Variants in PEAK1 observed in about 807,000 individuals in gnomAD.
PEAK1 encodes pseudopodium enriched atypical kinase 1.
PEAK1 carries 54 observed loss-of-function variants against 124.7 expected under a neutral mutation model. The ratio of observed to expected loss-of-function variants is 0.43; its 90% CI spans 0.35 to 0.54. The LOEUF (loss-of-function observed/expected upper bound fraction) is 0.54, where lower values mean the gene tolerates loss of function less well. PEAK1 is among the 20% of genes least tolerant of loss of function. PEAK1 has a pLI of 0.01. For missense variants in PEAK1, 2,046 were observed against 2,134.5 expected (o/e 0.96, Z 0.82); for synonymous variants, 719 against 760.0 (o/e 0.95, Z 0.89).
At chr15:77,256,644 A>G (rs1354640597) in intron 5 of PEAK1, among the ~76,000 whole-genome samples, 2 of 152,054 alleles carry the variant, frequency 1.3e-5, no homozygotes, top group Non-Finnish European at 2.9e-5. Flanking sequence ...GATGAAATTC[A>G]AATGTCATGG....
intron 5 of PEAK1, among the ~76,000 whole-genome samples, chr15:77,280,793 G>C (rs1319836937): frequency 6.6e-6 from 1 of 152,046 alleles, no homozygotes; most frequent in African/African-American, 2.4e-5. Context: ...TAGTAGCTTT[G>C]TTTAGATGAT....
At chr15:77,329,702 A>G (rs1035196103) in intron 2 of PEAK1, among the ~76,000 whole-genome samples, 2 of 152,196 alleles carry the variant, frequency 1.3e-5, no homozygotes, top group African/African-American at 2.4e-5. Flanking sequence ...GTTGAACTAT[A>G]TTGCACAGTT....
chr15:77,178,881 C>G lies in PEAK1; in HGVS notation c.3046G>C (p.Glu1016Gln). 1 of 1,614,176 alleles carries G rather than the reference C, an allele frequency of 6.2e-7. No individual in the cohort carries two copies. Among genetic ancestry groups the G allele is most frequent in the Non-Finnish European group, 8.5e-7 (1 of 1,180,030 alleles). Residue 1016 changes from glutamate (E) to glutamine (Q), a missense_variant, in exon 7 of 10, where the codon GAG becomes CAG. Transcript: ENST00000682557. Reference protein sequence around the residue: ...KARTDQAAVMEKGRAENALLQ... With the variant: ...KARTDQAAVMQKGRAENALLQ... Reference sequence around the variant, plus strand: ...AATGCATTCTCTGCTCTACCCTTCTCCATGACTGCTGCCTGGTCTGTCCTA... The same window carrying G: ...AATGCATTCTCTGCTCTACCCTTCTGCATGACTGCTGCCTGGTCTGTCCTA...
intron 5 of PEAK1, among the ~76,000 whole-genome samples, chr15:77,267,395 G>A (rs1428340024): frequency 6.6e-6 from 1 of 152,030 alleles, no homozygotes; most frequent in African/African-American, 2.4e-5. Context: ...CCTATCTGAA[G>A]GCCAATCAAC....
intron 6 of PEAK1, among the ~76,000 whole-genome samples, chr15:77,193,883 T>C (rs1344324705): frequency 6.6e-6 from 1 of 152,212 alleles, no homozygotes; most frequent in East Asian, 1.9e-4. Context: ...CCATCTCTTC[T>C]GTGATCTTGT....
At chr15:77,121,939 C>A (rs1433894528) in intron 9 of PEAK1, among the ~76,000 whole-genome samples, 3 of 152,164 alleles carry the variant, frequency 2.0e-5, no homozygotes, top group Non-Finnish European at 4.4e-5. Context: ...TGGGAGTGAG[C>A]ATAGAATGAA....
At chr15:77,213,091 G>A (rs1190813628) in intron 6 of PEAK1, among the ~76,000 whole-genome samples, 1 of 152,146 alleles carries the variant, frequency 6.6e-6, no homozygotes. Flanking sequence ...CAGTATGTTT[G>A]CAGTCAGAAA....
chr15:77,378,874 C>G (rs7176302), intron 1 of PEAK1, among the ~76,000 whole-genome samples: 99,661 of 151,988 alleles, frequency 0.66, 33,654 homozygotes, highest in Non-Finnish European at 0.75. Context: ...GAAGTAATCA[C>G]CATGTCTTTA....
chr15:77,337,223 CAAG>C, intron 2 of PEAK1: 1 of 982,158 alleles, frequency 1.0e-6, no homozygotes, highest in Non-Finnish European at 1.2e-6. Context: ...TCAGCCAAGA[CAAG>C]ATAATACAGA....
At chr15:77,350,091 G>A (rs1597394554) in intron 2 of PEAK1, 3 of 985,312 alleles carry the variant, frequency 3.0e-6, no homozygotes, top group African/African-American at 3.5e-5. Flanking sequence ...AACATAATAA[G>A]AGCATACCCC....
At chr15:77,185,477 G>A (rs1001052125) in intron 6 of PEAK1, among the ~76,000 whole-genome samples, 4 of 152,230 alleles carry the variant, frequency 2.6e-5, no homozygotes, top group Non-Finnish European at 5.9e-5. Context: ...GAAATGTCAT[G>A]AAGGAGAAAG....
At chr15:77,183,332 T>C (rs537559624) in intron 6 of PEAK1, among the ~76,000 whole-genome samples, 1 of 152,338 alleles carries the variant, frequency 6.6e-6, no homozygotes, top group Non-Finnish European at 1.5e-5. Context: ...TGCTTCACTT[T>C]TACTGCTTTG....
intron 6 of PEAK1, among the ~76,000 whole-genome samples, chr15:77,236,761 C>T (rs376162654): frequency 6.6e-6 from 1 of 152,278 alleles, no homozygotes; most frequent in African/African-American, 2.4e-5. Flanking sequence ...CCATAATCCC[C>T]AGGTATCATA....
chr15:77,263,031 A>T (rs2061524569), intron 5 of PEAK1, among the ~76,000 whole-genome samples: 1 of 152,230 alleles, frequency 6.6e-6, no homozygotes, highest in African/African-American at 2.4e-5. Flanking sequence ...TGAAGGCAGA[A>T]ATAAAGATGT....
intron 2 of PEAK1, chr15:77,337,277 T>C (rs1315931453): frequency 3.0e-6 from 3 of 985,014 alleles, no homozygotes; most frequent in East Asian, 2.3e-4. Flanking sequence ...GTTCTAAGTA[T>C]GCCAAGACAA....
At chr15:77,325,878 T>TA (rs1027526905) in intron 2 of PEAK1, among the ~76,000 whole-genome samples, 3 of 152,112 alleles carry the variant, frequency 2.0e-5, no homozygotes, top group Non-Finnish European at 4.4e-5. Context: ...GGTTACCTTA[T>TA]ATAAAGTTAA....
chr15:77,252,255 G>A (rs2060915759), intron 6 of PEAK1, 112 bp downstream of exon 6: 1 of 578,804 alleles, frequency 1.7e-6, no homozygotes, highest in African/African-American at 2.0e-5. Context: ...AAAATGTTCA[G>A]CTTTATCTAT....
chr15:77,343,646 C>T (rs550132296), intron 2 of PEAK1, among the ~76,000 whole-genome samples: 28 of 151,996 alleles, frequency 1.8e-4, no homozygotes, highest in East Asian at 9.7e-4. Context: ...CCACCATGCC[C>T]GGCTAATTTT....
intron 7 of PEAK1, among the ~76,000 whole-genome samples, chr15:77,172,871 G>A (rs1239160470): frequency 6.6e-6 from 1 of 152,050 alleles, no homozygotes. Flanking sequence ...TTCCACCTCA[G>A]CCTCCTGAGT....
Sources: allele counts gnomAD v4.1 joint callset (sites outside exome capture counted in the v4.1 genomes callset), GRCh38; gene constraint gnomAD v4.1.1; transcripts MANE v1.5; gene names NCBI Gene and HGNC (gene_info 2026-07-23, HGNC 2026-07-21).